Variants in UST observed in about 807,000 individuals in gnomAD.
UST encodes uronyl 2-sulfotransferase, also known as chondroitin sulfate 2-O-sulfotransferase.
Under a neutral mutation model 45.6 loss-of-function variants are expected in UST, and 21 were observed. The observed-to-expected ratio is 0.46, with a 90% CI of 0.33 to 0.66. The LOEUF (loss-of-function observed/expected upper bound fraction) is 0.66. UST is among the 30% of genes least tolerant of loss of function. The pLI, the probability that UST is intolerant of heterozygous loss-of-function variation, is 0.02. For missense variants in UST, 463 were observed against 512.4 expected (o/e 0.90, Z 0.93); for synonymous variants, 215 against 200.6 (o/e 1.07, Z -0.61).
chr6:149,011,995 C>T (rs779316361), intron 5 of UST, among the ~76,000 whole-genome samples: 1 of 152,202 alleles, frequency 6.6e-6, no homozygotes, highest in African/African-American at 2.4e-5. Flanking sequence ...GACACATAGC[C>T]ATAAACTCAG....
intron 2 of UST, among the ~76,000 whole-genome samples, chr6:148,907,902 CTTTTTTTTTTTTT>C (rs67488239): frequency 2.9e-5 from 2 of 68,210 alleles, no homozygotes; most frequent in South Asian, 7.6e-4. Context: ...GTTTCCAGGG[CTTTTTTTTTTTTT>C]TTTTTTTTTT....
At chr6:148,796,948 G>C (rs6936361) in intron 1 of UST, among the ~76,000 whole-genome samples, 1 of 151,444 alleles carries the variant, frequency 6.6e-6, no homozygotes. Flanking sequence ...GATTACAGGC[G>C]CCTCCCATGA....
At chr6:149,006,240 C>T (rs1426203432) in intron 5 of UST, among the ~76,000 whole-genome samples, 1 of 152,134 alleles carries the variant, frequency 6.6e-6, no homozygotes, top group African/African-American at 2.4e-5. Context: ...TGCTCTCCCT[C>T]CCCCAACCCC....
At chr6:148,911,973 G>A (rs1779484250) in intron 2 of UST, among the ~76,000 whole-genome samples, 1 of 152,186 alleles carries the variant, frequency 6.6e-6, no homozygotes, top group African/African-American at 2.4e-5. Context: ...AAGGGGGGCA[G>A]ATCACTTGAG....
At chr6:148,772,860 G>T (rs1776458854) in intron 1 of UST, among the ~76,000 whole-genome samples, 1 of 152,180 alleles carries the variant, frequency 6.6e-6, no homozygotes, top group South Asian at 2.1e-4. Flanking sequence ...TTTAAGAAAA[G>T]ATCAAACATA....
At chr6:148,906,588 A>C in intron 2 of UST, among the ~76,000 whole-genome samples, 1 of 152,138 alleles carries the variant, frequency 6.6e-6, no homozygotes, top group Middle Eastern at 3.2e-3. Flanking sequence ...GTTGGTGCAA[A>C]AGTGATTGCG....
At chr6:148,754,242 C>A (rs113889283) in intron 1 of UST, among the ~76,000 whole-genome samples, 1 of 152,046 alleles carries the variant, frequency 6.6e-6, no homozygotes, top group African/African-American at 2.4e-5. Context: ...GTGATTCGCC[C>A]GCCTCGGCCT....
At chr6:148,921,081 G>C (rs1582899202) in intron 2 of UST, among the ~76,000 whole-genome samples, 1 of 152,190 alleles carries the variant, frequency 6.6e-6, no homozygotes, top group African/African-American at 2.4e-5. Flanking sequence ...TTTCTTGATA[G>C]TACACAAGAG....
At chr6:148,913,423 CTTTTTT>C (rs34110477) in intron 2 of UST, among the ~76,000 whole-genome samples, 71 of 79,864 alleles carry the variant, frequency 8.9e-4, no homozygotes, top group Non-Finnish European at 1.1e-3. Flanking sequence ...GACCAAAAAT[CTTTTTT>C]TTTTTTTTTT....
At chr6:148,774,226 C>G (rs1776487059) in intron 1 of UST, among the ~76,000 whole-genome samples, 1 of 151,254 alleles carries the variant, frequency 6.6e-6, no homozygotes, top group Non-Finnish European at 1.5e-5. Flanking sequence ...ACGGCTATAA[C>G]TAAACACTCT....
chr6:148,931,841 G>C (rs868639935), intron 2 of UST, among the ~76,000 whole-genome samples: 6 of 152,184 alleles, frequency 3.9e-5, no homozygotes, highest in African/African-American at 1.2e-4. Context: ...AAGTTGAAAG[G>C]CCTCTTAGAA....
chr6:148,980,377 A>T (rs968491716), intron 5 of UST, among the ~76,000 whole-genome samples: 1 of 151,990 alleles, frequency 6.6e-6, no homozygotes, highest in Non-Finnish European at 1.5e-5. Context: ...CAACTCTCCC[A>T]TACCTCCTAA....
chr6:148,863,143 G>A (rs916240515), intron 1 of UST, among the ~76,000 whole-genome samples: 2 of 152,132 alleles, frequency 1.3e-5, no homozygotes, highest in Admixed American at 6.5e-5. Flanking sequence ...CCAATCAGAC[G>A]TAGATTTGGT....
At chr6:148,853,820 C>A (rs1277590506) in intron 1 of UST, among the ~76,000 whole-genome samples, 1 of 151,922 alleles carries the variant, frequency 6.6e-6, no homozygotes, top group Non-Finnish European at 1.5e-5. Flanking sequence ...GTTTGTTTTT[C>A]TTAAAGCCAT....
chr6:148,800,663 A>G (rs530512791), intron 1 of UST, among the ~76,000 whole-genome samples: 2 of 152,164 alleles, frequency 1.3e-5, no homozygotes, highest in African/African-American at 2.4e-5. Context: ...CCAAAAAAAA[A>G]GGGGTAGGGT....
At chr6:148,953,455 C>T (rs993348925) in intron 3 of UST, among the ~76,000 whole-genome samples, 14 of 152,282 alleles carry the variant, frequency 9.2e-5, no homozygotes, top group African/African-American at 3.4e-4. Flanking sequence ...TGCACTTATA[C>T]CGCTGGTCCA....
chr6:148,990,015 G>T (rs543780803), intron 5 of UST, among the ~76,000 whole-genome samples: 30 of 152,256 alleles, frequency 2.0e-4, no homozygotes, highest in African/African-American at 6.7e-4. Context: ...AAAAAATTAA[G>T]CGTTTAGGGG....
At chr6:148,776,992 C>T (rs1010914066) in intron 1 of UST, among the ~76,000 whole-genome samples, 7 of 152,186 alleles carry the variant, frequency 4.6e-5, no homozygotes, top group African/African-American at 1.7e-4. Context: ...AGCTCTCCAT[C>T]CCACTAACCT....
intron 3 of UST, among the ~76,000 whole-genome samples, chr6:148,944,448 C>G (rs1274458281): frequency 1.3e-5 from 2 of 151,422 alleles, no homozygotes; most frequent in Non-Finnish European, 2.9e-5. Flanking sequence ...CAAAAAGGCA[C>G]CTCTCTGGGC....
Sources: allele counts gnomAD v4.1 joint callset (sites outside exome capture counted in the v4.1 genomes callset), GRCh38; gene constraint gnomAD v4.1.1; transcripts MANE v1.5; gene names NCBI Gene and HGNC (gene_info 2026-07-23, HGNC 2026-07-21).